RIMS2: variants seen among roughly 807,000 people sequenced by gnomAD.
RIMS2 encodes the protein regulating synaptic membrane exocytosis 2.
In RIMS2, 59 loss-of-function variants were observed where a neutral mutation model predicts 174.4. That is an observed-to-expected ratio of 0.34 (90% CI 0.27 to 0.42). The LOEUF (loss-of-function observed/expected upper bound fraction) is 0.42, where lower values mean the gene tolerates loss of function less well. RIMS2 is among the 10% of genes least tolerant of loss of function. RIMS2 has a pLI of 1.00. For missense variants in RIMS2, 1,620 were observed against 1,666.3 expected (o/e 0.97, Z 0.48); for synonymous variants, 606 against 572.5 (o/e 1.06, Z -0.84).
At chr8:103,586,036 A>T (rs1319700694) in intron 1 of RIMS2, among the ~76,000 whole-genome samples, 1 of 152,138 alleles carries the variant, frequency 6.6e-6, no homozygotes, top group Non-Finnish European at 1.5e-5. Flanking sequence ...GTTAATTCAG[A>T]AAGTGGATAT....
At chr8:104,182,666 G>A (rs1285836625) in intron 19 of RIMS2, among the ~76,000 whole-genome samples, 3 of 151,488 alleles carry the variant, frequency 2.0e-5, no homozygotes, top group Admixed American at 6.6e-5. Context: ...GGCTTCTTTC[G>A]CTTAGCATAA....
intron 3 of RIMS2, among the ~76,000 whole-genome samples, chr8:103,876,493 G>A (rs911220748): frequency 2.6e-5 from 4 of 151,338 alleles, no homozygotes; most frequent in Non-Finnish European, 5.9e-5. Flanking sequence ...GTGGTATTTG[G>A]TTACATGAGT....
intron 11 of RIMS2, among the ~76,000 whole-genome samples, chr8:103,930,061 T>C (rs1008811006): frequency 6.6e-6 from 1 of 152,002 alleles, no homozygotes; most frequent in Non-Finnish European, 1.5e-5. Context: ...TAATCACAAT[T>C]TGAGAAATAC....
chr8:103,567,781 A>G (rs930750718), intron 1 of RIMS2, among the ~76,000 whole-genome samples: 2 of 152,170 alleles, frequency 1.3e-5, no homozygotes, highest in African/African-American at 4.8e-5. Flanking sequence ...CCCACCAGCA[A>G]TGTGTGAGGG....
At chr8:104,242,695 G>C (rs1286563165) in intron 19 of RIMS2, among the ~76,000 whole-genome samples, 2 of 152,144 alleles carry the variant, frequency 1.3e-5, no homozygotes, top group Non-Finnish European at 2.9e-5. Context: ...TCTATCACCT[G>C]TTTTTGAAAA....
intron 1 of RIMS2, among the ~76,000 whole-genome samples, chr8:103,571,720 T>A (rs2092821897): frequency 6.6e-6 from 1 of 152,150 alleles, no homozygotes; most frequent in Non-Finnish European, 1.5e-5. Flanking sequence ...AAAAAAGAAA[T>A]GTATTCGTTC....
intron 1 of RIMS2, among the ~76,000 whole-genome samples, chr8:103,522,929 G>A (rs1352180273): frequency 6.6e-6 from 1 of 152,112 alleles, no homozygotes; most frequent in Non-Finnish European, 1.5e-5. Flanking sequence ...AGGAGTTAAA[G>A]ACACTTTGTT....
intron 1 of RIMS2, among the ~76,000 whole-genome samples, chr8:103,648,245 T>A (rs940208458): frequency 6.6e-6 from 1 of 152,206 alleles, no homozygotes; most frequent in Non-Finnish European, 1.5e-5. Context: ...ATTTTCTTAA[T>A]CTTGAGTTCT....
In RIMS2 at chr8:104,116,162, G is replaced by A. The variant is rs146425886; in HGVS notation, c.3334+101547G>A. ...TTTCTAAAGTATTCCTGTTAATGAA[G>A]GTTTGGTGGTTAATAATTTCACTGT... On this transcript the variant is annotated intron_variant, in intron 19 of 23. Coordinates refer to ENST00000504942, the Ensembl canonical transcript of RIMS2. Among the ~76,000 whole-genome samples, 52 of 152,252 alleles carry A rather than the reference G, an allele frequency of 3.4e-4. 1 individual carries two copies. Among genetic ancestry groups the A allele is most frequent in the African/African-American group, 1.2e-3 (50 of 41,560 alleles).
chr8:103,971,107 A>C (rs1289340143), intron 15 of RIMS2, among the ~76,000 whole-genome samples: 3 of 152,198 alleles, frequency 2.0e-5, no homozygotes, highest in African/African-American at 7.2e-5. Flanking sequence ...AACTTGAATA[A>C]ATAGACTATA....
At chr8:103,665,605 T>A (rs759084447) in intron 1 of RIMS2, among the ~76,000 whole-genome samples, 1 of 152,238 alleles carries the variant, frequency 6.6e-6, no homozygotes, top group Non-Finnish European at 1.5e-5. Flanking sequence ...ACTTGTGATG[T>A]TACAATCTTA....
chr8:103,671,613 T>C (rs1387273382), intron 1 of RIMS2, among the ~76,000 whole-genome samples: 1 of 152,186 alleles, frequency 6.6e-6, no homozygotes, highest in Non-Finnish European at 1.5e-5. Flanking sequence ...TTTTATTTGC[T>C]TGTAAAGAGC....
At position 103,571,665 on chromosome 8, in the gene RIMS2, T is replaced by C. The variant is rs147717122; in HGVS notation, c.176+70603T>C. ...CAAAAGGTGTTATATTAATACTTTT[T>C]GTTGTGAGTAAAAAAGAACTCACCT... is the stretch of plus-strand genomic sequence containing the variant. On this transcript the variant is annotated intron_variant, in intron 1 of 23. Transcript: ENST00000504942. 6.2e-3 allele frequency among the ~76,000 whole-genome samples: 939 copies of C among 152,302 alleles called. 12 individuals are homozygous for C. The highest frequency in any genetic ancestry group is 0.021 in the African/African-American group (889 of 41,560).
chr8:103,803,764 T>C (rs1413544754), intron 3 of RIMS2, among the ~76,000 whole-genome samples: 1 of 152,188 alleles, frequency 6.6e-6, no homozygotes, highest in African/African-American at 2.4e-5. Context: ...AAAAGGGCTG[T>C]GAGAGAGCCA....
At chr8:103,968,066 G>T (rs990288288) in intron 15 of RIMS2, among the ~76,000 whole-genome samples, 1 of 151,904 alleles carries the variant, frequency 6.6e-6, no homozygotes, top group African/African-American at 2.4e-5. Context: ...TCACCATGTT[G>T]GCCAGGCTGG....
chr8:103,832,138 T>C (rs991485148), intron 3 of RIMS2, among the ~76,000 whole-genome samples: 3 of 152,244 alleles, frequency 2.0e-5, no homozygotes, highest in African/African-American at 7.2e-5. Context: ...AGTCATTTAC[T>C]TTCAATATAT....
chr8:103,967,054 A>G (rs193151497), intron 15 of RIMS2, among the ~76,000 whole-genome samples: 75 of 151,080 alleles, frequency 5.0e-4, no homozygotes, highest in African/African-American at 1.3e-3. Context: ...AGAAGAATGT[A>G]TATGCTGCTA....
intron 19 of RIMS2, among the ~76,000 whole-genome samples, chr8:104,163,185 C>T (rs2098774302): frequency 6.6e-6 from 1 of 152,152 alleles, no homozygotes; most frequent in Non-Finnish European, 1.5e-5. Context: ...TCCATCTTCC[C>T]TTTGATGCAG....
chr8:103,651,959 A>C (rs1328994476), intron 1 of RIMS2, among the ~76,000 whole-genome samples: 6 of 152,182 alleles, frequency 3.9e-5, no homozygotes, highest in African/African-American at 7.2e-5. Context: ...AGAAAACTTC[A>C]GGACCAAATC....
Sources: gnomAD v4.1 joint callset for allele counts (sites outside exome capture counted in the v4.1 genomes callset) on GRCh38, gnomAD v4.1.1 for gene constraint, MANE v1.5 for transcripts, NCBI Gene and HGNC (gene_info 2026-07-23, HGNC 2026-07-21) for gene names.